The following GRB14 variants were observed in gnomAD, a reference collection of about 807,000 sequenced individuals.
The protein encoded by GRB14 is growth factor receptor bound protein 14.
A neutral mutation model predicts 69.1 loss-of-function variants in GRB14; 38 were observed. The ratio of observed to expected loss-of-function variants is 0.55; its 90% CI spans 0.42 to 0.72. The LOEUF (loss-of-function observed/expected upper bound fraction) is 0.72, where lower values mean the gene tolerates loss of function less well. Ranked by LOEUF, GRB14 falls within the 30% of genes least tolerant of loss-of-function variation. GRB14 has a pLI of 0.00. For synonymous variants in GRB14, 247 were observed against 241.3 expected (o/e 1.02, Z -0.22); for missense variants, 666 against 666.1 (o/e 1.00, Z 0.00).
intron 10 of GRB14, 25 bp from the exon 11 acceptor site, chr2:164,497,308 T>C (rs1451428112): frequency 1.6e-5 from 25 of 1,610,316 alleles, no homozygotes; most frequent in Non-Finnish European, 2.1e-5. Flanking sequence ...AGAAAACAAA[T>C]CTCAAGTTTT....
At chr2:164,569,090 CA>C (rs1346588942) in intron 2 of GRB14, among the ~76,000 whole-genome samples, 2 of 151,988 alleles carry the variant, frequency 1.3e-5, no homozygotes, top group Non-Finnish European at 2.9e-5. Context: ...GATTAAACTA[CA>C]ATATATCAAT....
intron 8 of GRB14, among the ~76,000 whole-genome samples, chr2:164,503,726 G>A (rs1175077991): frequency 6.6e-6 from 1 of 152,126 alleles, no homozygotes; most frequent in Non-Finnish European, 1.5e-5. Context: ...AATTCATTTT[G>A]GAGAATATAT....
At chr2:164,498,546 A>T (rs1298399634) in intron 9 of GRB14, among the ~76,000 whole-genome samples, 1 of 152,160 alleles carries the variant, frequency 6.6e-6, no homozygotes, top group African/African-American at 2.4e-5. Flanking sequence ...CCAAAAGAAA[A>T]ATTTTAAAAC....
Position 164,494,454 on chromosome 2 carries a change from T to C in GRB14, c.1453A>G (p.Ile485Val), listed in dbSNP as rs747917698. ...FVLSMSHGQK[I>V]KHFQIIPVED... ...ACTGGTATAATTTGAAAGTGCTTTA[T>C]TTTTTGTCCATGACTCATTGACAGT... Residue 485 changes from isoleucine to valine, a missense_variant, in exon 13 of 14, where the codon ATA becomes GTA. Ile to Val is a conservative substitution (Grantham distance 29). Coordinates refer to ENST00000263915, the MANE Select transcript of GRB14 (RefSeq NM_004490.3). The C allele has an allele frequency of 5.0e-6, 8 of 1,593,850 alleles. No homozygotes were observed. Among genetic ancestry groups the C allele is most frequent in the Non-Finnish European group, 6.9e-6 (8 of 1,161,768 alleles).
At chr2:164,508,216 G>A (rs1687241729) in intron 8 of GRB14, among the ~76,000 whole-genome samples, 1 of 152,104 alleles carries the variant, frequency 6.6e-6, no homozygotes, top group African/African-American at 2.4e-5. Flanking sequence ...GTGAAAATCA[G>A]AACATTTCTA....
intron 2 of GRB14, chr2:164,568,298 A>T (rs1215564522): frequency 7.8e-7 from 1 of 1,279,698 alleles, no homozygotes; most frequent in Non-Finnish European, 1.0e-6. Flanking sequence ...GAAAAAAAGG[A>T]TAAAGAAGTC....
At chr2:164,574,665 C>T (rs1455732306) in intron 2 of GRB14, among the ~76,000 whole-genome samples, 1 of 152,048 alleles carries the variant, frequency 6.6e-6, no homozygotes, top group Admixed American at 6.6e-5. Flanking sequence ...GATCGTTAGG[C>T]ATGGTGGCTT....
chr2:164,506,768 T>C (rs759380337), intron 8 of GRB14, among the ~76,000 whole-genome samples: 1 of 152,100 alleles, frequency 6.6e-6, no homozygotes, highest in Non-Finnish European at 1.5e-5. Context: ...TATAGAGAGC[T>C]ATATATACAA....
In GRB14 at chr2:164,513,142, T is replaced by G. The variant is rs575450019; in HGVS notation, c.817-4290A>C. 2.9e-3 allele frequency among the ~76,000 whole-genome samples: 435 copies of G among 152,212 alleles called. 1 individual carries two copies. The highest frequency in any genetic ancestry group is 0.01 in the African/African-American group (417 of 41,530). The stretch of plus-strand genomic sequence containing the variant: ...TTCCCACTCCTCCCTCTCTGCCTCC[T>G]TTGCCTTCTTCCCTTCAGTCTCTTT... On this transcript the variant is annotated intron_variant, in intron 6 of 13. Transcript: ENST00000263915.
chr2:164,580,013 C>T (rs1488904228), intron 2 of GRB14, among the ~76,000 whole-genome samples: 1 of 152,066 alleles, frequency 6.6e-6, no homozygotes, highest in East Asian at 1.9e-4. Context: ...GCTCTGACTA[C>T]ACAAATATCT....
At chr2:164,533,518 C>T (rs929564303) in intron 3 of GRB14, among the ~76,000 whole-genome samples, 9 of 152,186 alleles carry the variant, frequency 5.9e-5, no homozygotes, top group African/African-American at 2.2e-4. Context: ...CCGCGCCCGG[C>T]CCCAATTCTT....
intron 2 of GRB14, among the ~76,000 whole-genome samples, chr2:164,593,573 C>T (rs969344612): frequency 1.3e-5 from 2 of 152,094 alleles, no homozygotes; most frequent in African/African-American, 4.8e-5. Context: ...CAGTTAGGTA[C>T]ACCACCACAA....
chr2:164,496,982 C>T (rs774223296), intron 12 of GRB14, 26 bp downstream of exon 12: 2 of 1,570,032 alleles, frequency 1.3e-6, no homozygotes, highest in East Asian at 2.2e-5. Context: ...TTCACAAGTA[C>T]TCAAAATTAA....
At chr2:164,528,573 G>A (rs1440824440) in intron 3 of GRB14, among the ~76,000 whole-genome samples, 1 of 152,068 alleles carries the variant, frequency 6.6e-6, no homozygotes, top group African/African-American at 2.4e-5. Context: ...GAATATGGAT[G>A]AGTTTGAGCT....
At chr2:164,547,854 C>T in intron 2 of GRB14, 38 bp from the exon 3 acceptor site, 6 of 1,457,738 alleles carry the variant, frequency 4.1e-6, no homozygotes, top group Middle Eastern at 1.8e-4. Flanking sequence ...CTAAAATATT[C>T]CTGTTTGTGT....
chr2:164,531,180 G>T (rs952380104), intron 3 of GRB14, among the ~76,000 whole-genome samples: 7 of 152,156 alleles, frequency 4.6e-5, no homozygotes, highest in African/African-American at 1.7e-4. Context: ...AGACAAACTG[G>T]AGGGACATCC....
chr2:164,516,075 T>C (rs1269171944), intron 6 of GRB14, among the ~76,000 whole-genome samples: 2 of 151,498 alleles, frequency 1.3e-5, no homozygotes, highest in Admixed American at 6.6e-5. Context: ...TTATGTTAAA[T>C]GACCAAACCT....
chr2:164,558,944 C>T lies in GRB14; in HGVS notation c.325-11128G>A, dbSNP rs145641439. Among the ~76,000 whole-genome samples the T allele has an allele frequency of 1.4e-4, 22 of 152,300 alleles. 1 individual carries two copies. In the Middle Eastern group the frequency reaches 0.01, roughly 71 times the overall value. On this transcript the variant is annotated intron_variant, in intron 2 of 13. Transcript: ENST00000263915. Reference sequence around the variant, plus strand: ...GCATCAATTGAAGCCCTTTTAGGAACTACCTTATTTCCTTGATTTTTTAAA... The same window carrying T: ...GCATCAATTGAAGCCCTTTTAGGAATTACCTTATTTCCTTGATTTTTTAAA...
At chr2:164,509,128 T>C (rs1687272520) in intron 6 of GRB14, among the ~76,000 whole-genome samples, 1 of 152,236 alleles carries the variant, frequency 6.6e-6, no homozygotes, top group South Asian at 2.1e-4. Context: ...CGATTCTCTT[T>C]AACCACCATT....
Sources: allele counts gnomAD v4.1 joint callset (sites outside exome capture counted in the v4.1 genomes callset), GRCh38; gene constraint gnomAD v4.1.1; transcripts MANE v1.5; gene names NCBI Gene and HGNC (gene_info 2026-07-23, HGNC 2026-07-21).